The following RSRP1 variants were observed in gnomAD, a reference collection of about 807,000 sequenced individuals.
RSRP1 encodes arginine/serine-rich protein 1.
RSRP1 carries 37 observed loss-of-function variants against 33.0 expected under a neutral mutation model. The observed-to-expected ratio is 1.12, with a 90% CI of 0.86 to 1.48. RSRP1 has a LOEUF of 1.48. Among genes scored for constraint, RSRP1 ranks in the 40% most tolerant of loss-of-function variants. RSRP1 has a pLI of 0.00. For synonymous variants in RSRP1, 167 were observed against 158.7 expected (o/e 1.05, Z -0.40); for missense variants, 402 against 385.3 (o/e 1.04, Z -0.36).
intron 1 of RSRP1, among the ~76,000 whole-genome samples, chr1:25,312,957 T>TAAAAAAAAAAAAAAAAAAAAAAAAAA (rs1491188755): frequency 8.2e-5 from 2 of 24,432 alleles, no homozygotes; most frequent in Admixed American, 5.3e-4. Flanking sequence ...AAAAAAAAAC[T>TAAAAAAAAAAAAAAAAAAAAAAAAAA]TTAGTGCTAT....
chr1:25,275,628 T>A (rs1397955026), intron 1 of RSRP1, among the ~76,000 whole-genome samples: 1 of 133,046 alleles, frequency 7.5e-6, no homozygotes, highest in African/African-American at 2.6e-5. Context: ...ATATTTTGTA[T>A]GTTACAATAA....
rs1642597692 is a variant in RSRP1, at chr1:25,292,503, G to A, written c.-66-45474C>T. On this transcript the variant is annotated intron_variant, in intron 1 of 1. Coordinates refer to the RSRP1 transcript ENST00000561867. ...ATAGACTGCACGTGGGGTGGGAGAG[G>A]GTCAAGATGACTTCAAGGTTCTCAT... Among the ~76,000 whole-genome samples, 2 of 131,826 alleles carry A rather than the reference G, an allele frequency of 1.5e-5. 1 individual carries two copies. The highest frequency in any genetic ancestry group is 1.5e-4 in the Admixed American group (2 of 13,508). 86.5% of individuals were successfully genotyped at this position (131,826 alleles called of 152,430 possible).
At chr1:25,249,676 G>A (rs1571527074), upstream of RSRP1, among the ~76,000 whole-genome samples, 1 of 152,160 alleles carries the variant, frequency 6.6e-6, no homozygotes, top group Non-Finnish European at 1.5e-5. Context: ...GGAAACAGTG[G>A]GAAACATTAC....
intron 1 of RSRP1, among the ~76,000 whole-genome samples, chr1:25,261,693 C>A (rs574112753): frequency 6.9e-6 from 1 of 145,376 alleles, no homozygotes; most frequent in African/African-American, 2.6e-5. Context: ...CATGAGCCAC[C>A]GCGCCCAGCA....
chr1:25,263,831 AAGTT>A (rs1640234062), intron 1 of RSRP1, among the ~76,000 whole-genome samples: 1 of 152,126 alleles, frequency 6.6e-6, no homozygotes, highest in African/African-American at 2.4e-5. Flanking sequence ...AATCCAAAGC[AAGTT>A]AGTTACTTCC....
upstream of RSRP1, among the ~76,000 whole-genome samples, chr1:25,249,365 T>C (rs773080092): frequency 1.1e-4 from 16 of 152,006 alleles, no homozygotes; most frequent in Non-Finnish European, 2.2e-4. Context: ...TTTAAGACAG[T>C]CTCGCTTTGG....
At chr1:25,336,544 A>T (rs1645078380) in intron 1 of RSRP1, 1 of 147,682 alleles carries the variant, frequency 6.8e-6, no homozygotes. Flanking sequence ...AGAGTAATAT[A>T]AAGATGCTCA....
chr1:25,294,024 A>G, intron 1 of RSRP1: 1 of 565,474 alleles, frequency 1.8e-6, no homozygotes. Context: ...TAAATTCTGA[A>G]AATAATCTTG....
chr1:25,324,525 T>C (rs1035510672), intron 1 of RSRP1, among the ~76,000 whole-genome samples: 1 of 152,152 alleles, frequency 6.6e-6, no homozygotes, highest in African/African-American at 2.4e-5. Context: ...TTGTGCTACT[T>C]CACTGGGTTA....
At chr1:25,246,335 G>T in intron 2 of RSRP1, 109 bp downstream of exon 2, 2 of 1,487,514 alleles carry the variant, frequency 1.3e-6, no homozygotes, top group South Asian at 2.6e-5. Flanking sequence ...AAAGATTTCG[G>T]GCACTAAAGG....
At chr1:25,281,223 C>T (rs1225283379) in intron 1 of RSRP1, among the ~76,000 whole-genome samples, 3 of 130,756 alleles carry the variant, frequency 2.3e-5, no homozygotes, top group African/African-American at 8.0e-5. Context: ...GTAGTTAGTT[C>T]ACTGCTGAAC....
rs780349619 is a variant in RSRP1 at position 25,246,499 on chromosome 1, C to T, written c.465G>A (p.Arg155=). The T allele has an allele frequency of 1.2e-6, 2 of 1,614,138 alleles. No individual in the cohort carries two copies. Among genetic ancestry groups the T allele is most frequent in the Admixed American group, 1.7e-5 (1 of 60,016 alleles). Residue 155 remains arginine, a synonymous_variant, in exon 2 of 5, where the codon AGG becomes AGA. Coordinates refer to ENST00000243189, the MANE Select transcript of RSRP1 (RefSeq NM_020317.5). ...TCCGCGACCTCGTCCTGGATCTGTC[C>T]CTCCATCTGCTGTGCTCCTCCGGGT... The part of the protein sequence containing the change: ...TVYPEEHSRW[R]DRSRTRSRSR...
At chr1:25,321,800 G>A (rs1239452806) in intron 1 of RSRP1, 2 of 695,820 alleles carry the variant, frequency 2.9e-6, no homozygotes, top group African/African-American at 1.7e-5. Flanking sequence ...TTGAGATACT[G>A]TCGTTTTGAC....
At chr1:25,249,550 CA>C (rs1403541050), upstream of RSRP1, among the ~76,000 whole-genome samples, 1 of 152,088 alleles carries the variant, frequency 6.6e-6, no homozygotes, top group Non-Finnish European at 1.5e-5. Flanking sequence ...CCATGTTGGC[CA>C]GGCTGGTCTT....
intron 1 of RSRP1, among the ~76,000 whole-genome samples, chr1:25,263,283 G>T (rs528733602): frequency 2.0e-5 from 3 of 151,980 alleles, no homozygotes. Flanking sequence ...TGAAGATCTC[G>T]TAGGACTTTA....
chr1:25,330,567 ACT>A (rs1339387219), intron 1 of RSRP1: 1 of 121,610 alleles, frequency 8.2e-6, no homozygotes, highest in African/African-American at 2.7e-5. Flanking sequence ...TCAATTACAA[ACT>A]CACATAATTT....
chr1:25,334,460 G>C (rs147531191), intron 1 of RSRP1, among the ~76,000 whole-genome samples: 1,323 of 131,620 alleles, frequency 0.01, 205 homozygotes, highest in African/African-American at 0.033. Flanking sequence ...AACTTTTCCA[G>C]GTACACGGTG....
At chr1:25,309,912 A>G (rs188862990) in intron 1 of RSRP1, among the ~76,000 whole-genome samples, 2,093 of 133,416 alleles carry the variant, frequency 0.016, 165 homozygotes, top group African/African-American at 0.051. Context: ...ACAGCATCAT[A>G]TAGAATGAGT....
chr1:25,293,228 T>G (rs1571635876), intron 1 of RSRP1, among the ~76,000 whole-genome samples: 1 of 129,256 alleles, frequency 7.7e-6, no homozygotes, highest in African/African-American at 2.7e-5. Context: ...AATAATCCGA[T>G]AGAGAGGAAA....
Sources: allele counts gnomAD v4.1 joint callset (sites outside exome capture counted in the v4.1 genomes callset), GRCh38; gene constraint gnomAD v4.1.1; transcripts MANE v1.5; gene names NCBI Gene and HGNC (gene_info 2026-07-23, HGNC 2026-07-21).